Variants in UPF2 observed in about 807,000 individuals in gnomAD.
UPF2 encodes the protein regulator of nonsense transcripts 2.
Under a neutral mutation model 141.4 loss-of-function variants are expected in UPF2, and 17 were observed. The ratio of observed to expected loss-of-function variants is 0.12; its 90% CI spans 0.08 to 0.18. The LOEUF is 0.18. Among genes scored for constraint, UPF2 ranks in the 10% least tolerant of loss-of-function variants. The probability of loss-of-function intolerance (pLI) is 1.00; values close to 1 mark genes in which losing one functional copy is unlikely to be tolerated. For synonymous variants in UPF2, 540 were observed against 498.0 expected (o/e 1.08, Z -1.12); for missense variants, 1,152 against 1,515.9 (o/e 0.76, Z 3.99).
intron 21 of UPF2, among the ~76,000 whole-genome samples, chr10:11,925,947 T>C (rs1832707573): frequency 6.6e-6 from 1 of 152,158 alleles, no homozygotes. Flanking sequence ...CACACACAGA[T>C]ATCAAATTTG....
intron 17 of UPF2, 103 bp from the exon 18 acceptor site, chr10:11,942,866 A>G (rs1832953368): frequency 1.0e-6 from 1 of 995,384 alleles, no homozygotes; most frequent in Non-Finnish European, 1.5e-6. Flanking sequence ...TAACTCAAGG[A>G]GTAAAGTGAG....
chr10:11,997,765 G>T lies in UPF2; in HGVS notation c.1759-8C>A. ...GCAAAAATCCATTGCTGCCTATTGGGAAAAAGTAAACTTTTTCTTTAAAAA... is the reference window on the plus strand; with the variant it reads ...GCAAAAATCCATTGCTGCCTATTGGTAAAAAGTAAACTTTTTCTTTAAAAA... On this transcript the variant is annotated splice_polypyrimidine_tract_variant and splice_region_variant and intron_variant, in intron 7 of 21. Transcript: ENST00000357604. 6.2e-7 allele frequency: 1 copy of T among 1,613,322 alleles called. No individual in the cohort carries two copies. Among genetic ancestry groups the T allele is most frequent in the Non-Finnish European group, 8.5e-7 (1 of 1,179,620 alleles).
At chr10:12,018,486 T>G (rs138619259) in intron 3 of UPF2, among the ~76,000 whole-genome samples, 2 of 151,536 alleles carry the variant, frequency 1.3e-5, no homozygotes, top group Non-Finnish European at 2.9e-5. Context: ...GAGGCTGAGG[T>G]AGGAGAATCA....
Position 11,921,334 on chromosome 10 carries a change from G to C in UPF2, c.3810-27C>G. ...TAAAGGAACAAACAGGGTCACATCA[G>C]AGAGCTTACTGCCACAGGACAAAGT... On this transcript the variant is annotated intron_variant, in intron 21 of 21. Coordinates refer to ENST00000357604, the MANE Select transcript of UPF2 (RefSeq NM_015542.4). The surrounding 1 kb of genome is among the most constrained non-coding windows in gnomAD (Gnocchi z 5.9). 1 of 1,614,082 alleles carries C rather than the reference G, an allele frequency of 6.2e-7. No homozygotes were observed. The highest frequency in any genetic ancestry group is 8.5e-7 in the Non-Finnish European group (1 of 1,180,014).
chr10:11,979,229 T>A lies in UPF2; in HGVS notation c.1845-64A>T. On this transcript the variant is annotated intron_variant, in intron 8 of 21. Transcript: ENST00000357604. This position sits in a 1 kb window ranked among gnomAD's most constrained non-coding sequence, Gnocchi z 6.2. Reference sequence around the variant, plus strand: ...ATATCAAAAATAATTCATTTTAAAATTTAAACTTTTCAGATGTATTCACAC... The same window carrying A: ...ATATCAAAAATAATTCATTTTAAAAATTAAACTTTTCAGATGTATTCACAC... 1 of 1,321,548 alleles carries A rather than the reference T, an allele frequency of 7.6e-7. No homozygotes were observed. Among genetic ancestry groups the A allele is most frequent in the South Asian group, 1.3e-5 (1 of 74,676 alleles). The allele number at this position is 1,321,548 out of a possible 1,614,324, so 81.9% of individuals were successfully genotyped here. A position where few individuals can be genotyped will look rare whatever the true frequency, so the allele number is the denominator to read the frequency against.
intron 11 of UPF2, among the ~76,000 whole-genome samples, chr10:11,962,672 C>T (rs1445502489): frequency 6.6e-6 from 1 of 152,148 alleles, no homozygotes; most frequent in Non-Finnish European, 1.5e-5. Context: ...CTGATCATAT[C>T]CACCCTACCT....
intron 4 of UPF2, among the ~76,000 whole-genome samples, chr10:12,010,921 G>A (rs1208181590): frequency 1.3e-5 from 2 of 151,916 alleles, no homozygotes; most frequent in African/African-American, 4.8e-5. Context: ...GAAGACAGAG[G>A]AGTAACATCT....
At chr10:11,997,817 A>G in intron 7 of UPF2, 60 bp from the exon 8 acceptor site, 1 of 1,428,222 alleles carries the variant, frequency 7.0e-7, no homozygotes, top group Non-Finnish European at 9.9e-7. Flanking sequence ...GAGAGCAGAA[A>G]TCCTGCCTAC....
intron 4 of UPF2, among the ~76,000 whole-genome samples, chr10:12,011,853 G>A (rs533976891): frequency 2.6e-5 from 4 of 151,186 alleles, no homozygotes; most frequent in Admixed American, 6.6e-5. Flanking sequence ...GCTGAGGCAG[G>A]AGAATTGCTT....
At position 11,931,817 on chromosome 10, in the gene UPF2, T is replaced by G; in HGVS notation, c.3547-35A>C. On this transcript the variant is annotated intron_variant, in intron 19 of 21. Transcript: ENST00000357604. The surrounding 1 kb of genome is among the most constrained non-coding windows in gnomAD (Gnocchi z 5.9). The stretch of plus-strand genomic sequence containing the variant: ...AATAACAAAGGAGTTACAAATAGTT[T>G]GAGAACACTGAGAGAAAGAAAAAAC... The G allele has an allele frequency of 6.4e-7, 1 of 1,572,178 alleles. No homozygotes were observed.
chr10:11,959,025 A>C lies in UPF2; in HGVS notation c.2370+146T>G. On this transcript the variant is annotated intron_variant, in intron 12 of 21. Coordinates refer to ENST00000357604, the MANE Select transcript of UPF2 (RefSeq NM_015542.4). The surrounding 1 kb of genome is among the most constrained non-coding windows in gnomAD (Gnocchi z 5.9). ...TATGTCCCAAATATTATATATCATC[A>C]TAAGAATTCCTTCTTAGGGTGACTT... 3.3e-6 allele frequency: 2 copies of C among 600,986 alleles called. No homozygotes were observed. Among genetic ancestry groups the C allele is most frequent in the Non-Finnish European group, 5.0e-6 (2 of 402,560 alleles). 37.2% of individuals were successfully genotyped at this position (600,986 alleles called of 1,614,324 possible). A position where few individuals can be genotyped will look rare whatever the true frequency, so the allele number is the denominator to read the frequency against.
chr10:11,990,193 C>CTT (rs1833756045), intron 8 of UPF2, among the ~76,000 whole-genome samples: 1 of 152,170 alleles, frequency 6.6e-6, no homozygotes, highest in Non-Finnish European at 1.5e-5. Context: ...TTCAAATATG[C>CTT]CATCAACATG....
At chr10:11,954,331 C>CT (rs150456684) in intron 14 of UPF2, among the ~76,000 whole-genome samples, 2,038 of 151,776 alleles carry the variant, frequency 0.013, 23 homozygotes, top group Non-Finnish European at 0.02. Context: ...GATAGGTTTT[C>CT]TTTTTTTAAA....
At chr10:11,954,814 TAA>T (rs76952881) in intron 14 of UPF2, among the ~76,000 whole-genome samples, 2 of 134,432 alleles carry the variant, frequency 1.5e-5, no homozygotes, top group Non-Finnish European at 3.2e-5. Context: ...CATTTCTATT[TAA>T]AAAAAAAAAA....
chr10:12,037,601 G>T (rs1408484961), intron 1 of UPF2, among the ~76,000 whole-genome samples: 1 of 150,900 alleles, frequency 6.6e-6, no homozygotes, highest in African/African-American at 2.4e-5. Context: ...CACCATATTG[G>T]CCAGGCTGCT....
chr10:11,955,181 A>T, intron 14 of UPF2, 51 bp downstream of exon 14: 1 of 1,484,654 alleles, frequency 6.7e-7, no homozygotes, highest in Admixed American at 2.4e-5. Context: ...TTCTTTTAAA[A>T]CACATGCAAT....
At chr10:12,042,995 A>C (rs1834767899), upstream of UPF2, 1 of 151,992 alleles carries the variant, frequency 6.6e-6, no homozygotes, top group Admixed American at 6.6e-5. This position sits in a 1 kb window ranked among gnomAD's most constrained non-coding sequence, Gnocchi z 5.5. Flanking sequence ...CCGATTAAAA[A>C]CAGTCCTGAT....
At position 12,016,623 on chromosome 10, in the gene UPF2, G is replaced by A. The variant is rs986423502; in HGVS notation, c.1146-2439C>T. Among the ~76,000 whole-genome samples the A allele has an allele frequency of 6.6e-6, 1 of 151,992 alleles. No homozygotes were observed. Among genetic ancestry groups the A allele is most frequent in the African/African-American group, 2.4e-5 (1 of 41,380 alleles). The stretch of plus-strand genomic sequence containing the variant: ...CCAGGAGAATCACTTGAACCCGGGA[G>A]GCAGAGGTTGCAGTGAGCCAAGATT... On this transcript the variant is annotated intron_variant, in intron 3 of 21. Coordinates refer to ENST00000357604, the MANE Select transcript of UPF2 (RefSeq NM_015542.4). The surrounding 1 kb of genome is among the most constrained non-coding windows in gnomAD (Gnocchi z 4.1).
At chr10:11,947,665 C>T (rs534037405) in intron 16 of UPF2, among the ~76,000 whole-genome samples, 12 of 150,306 alleles carry the variant, frequency 8.0e-5, no homozygotes, top group Admixed American at 4.0e-4. Context: ...CACGTCCACA[C>T]GGTCTCAGCT....
Sources: gnomAD v4.1 joint callset for allele counts (sites outside exome capture counted in the v4.1 genomes callset) on GRCh38, gnomAD v4.1.1 for gene constraint, Gnocchi (gnomAD v3.1) non-coding constraint, MANE v1.5 for transcripts, NCBI Gene and HGNC (gene_info 2026-07-23, HGNC 2026-07-21) for gene names.